SYNPR: variants seen among roughly 807,000 people sequenced by gnomAD.
SYNPR encodes the protein synaptoporin.
SYNPR carries 23 observed loss-of-function variants against 32.9 expected under a neutral mutation model. The observed-to-expected ratio is 0.70, with a 90% CI of 0.50 to 0.99. The LOEUF is 0.99. SYNPR is among the 50% of genes least tolerant of loss of function. The probability of loss-of-function intolerance (pLI) is 0.00; values close to 1 mark genes in which losing one functional copy is unlikely to be tolerated. For synonymous variants in SYNPR, 146 were observed against 135.9 expected, an observed-to-expected ratio of 1.07 and a Z score of -0.52; for missense variants, 318 against 349.3, an observed-to-expected ratio of 0.91 and a Z score of 0.71.
At chr3:63,478,730 A>G (rs1386547695) in intron 2 of SYNPR, among the ~76,000 whole-genome samples, 1 of 152,208 alleles carries the variant, frequency 6.6e-6, no homozygotes, top group East Asian at 1.9e-4. Context: ...AGAGAGACAT[A>G]GGGGTTATCC....
chr3:63,244,803 G>A (rs1262265267), intron 1 of SYNPR, among the ~76,000 whole-genome samples: 1 of 152,024 alleles, frequency 6.6e-6, no homozygotes, highest in Non-Finnish European at 1.5e-5. Flanking sequence ...AATAGCTTTC[G>A]CTGTCTGCAC....
At chr3:63,476,751 C>A (rs1011955807) in intron 2 of SYNPR, among the ~76,000 whole-genome samples, 1 of 152,190 alleles carries the variant, frequency 6.6e-6, no homozygotes, top group African/African-American at 2.4e-5. Flanking sequence ...AACACCCCCC[C>A]AGGTATAACC....
intron 2 of SYNPR, among the ~76,000 whole-genome samples, chr3:63,417,305 C>T (rs1366994196): frequency 6.6e-6 from 1 of 152,258 alleles, no homozygotes; most frequent in Non-Finnish European, 1.5e-5. Context: ...CCAGGTCACA[C>T]TGTTGCAAGA....
chr3:63,238,451 C>T (rs536808401), intron 1 of SYNPR, among the ~76,000 whole-genome samples: 8 of 152,106 alleles, frequency 5.3e-5, no homozygotes, highest in Non-Finnish European at 5.9e-5. Context: ...TTCCCCTCCA[C>T]CCTCTACTCT....
intron 4 of SYNPR, among the ~76,000 whole-genome samples, chr3:63,582,586 T>C (rs1471972511): frequency 6.6e-6 from 1 of 152,106 alleles, no homozygotes; most frequent in Non-Finnish European, 1.5e-5. Context: ...AAGCAGCATA[T>C]ATGTATTTCT....
chr3:63,218,818 G>T, the SYNPR span, among the ~76,000 whole-genome samples: 6 of 152,318 alleles, frequency 3.9e-5, no homozygotes, highest in East Asian at 9.7e-4. Context: ...AGGGCTGAAA[G>T]ATATTATGTT....
At chr3:63,403,741 T>C (rs1323761867) in intron 2 of SYNPR, among the ~76,000 whole-genome samples, 1 of 151,802 alleles carries the variant, frequency 6.6e-6, no homozygotes, top group Non-Finnish European at 1.5e-5. Flanking sequence ...AGAGAGAACA[T>C]GATGGGGGAG....
chr3:63,409,030 A>G (rs2088426354), intron 2 of SYNPR, among the ~76,000 whole-genome samples: 1 of 151,882 alleles, frequency 6.6e-6, no homozygotes, highest in South Asian at 2.1e-4. Flanking sequence ...TACCCCTCCA[A>G]ACCAGGTGAA....
chr3:63,309,582 C>T (rs546059398), intron 2 of SYNPR, among the ~76,000 whole-genome samples: 1 of 152,008 alleles, frequency 6.6e-6, no homozygotes, highest in Non-Finnish European at 1.5e-5. Context: ...TTACTCCCTG[C>T]TTCTGAGGCA....
At chr3:63,438,070 T>G (rs768017669) in intron 2 of SYNPR, among the ~76,000 whole-genome samples, 15 of 152,358 alleles carry the variant, frequency 9.8e-5, no homozygotes, top group Non-Finnish European at 1.2e-4. Context: ...AAATAGTCAT[T>G]GCTTGGCCGC....
intron 3 of SYNPR, among the ~76,000 whole-genome samples, chr3:63,524,824 A>AGTGT (rs138062730): frequency 0.013 from 1,742 of 129,386 alleles, 35 homozygotes; most frequent in African/African-American, 0.05. Flanking sequence ...TCATAATAGA[A>AGTGT]GTGTGTGTGT....
chr3:63,518,714 G>A (rs1337353365), intron 3 of SYNPR, among the ~76,000 whole-genome samples: 1 of 151,880 alleles, frequency 6.6e-6, no homozygotes, highest in African/African-American at 2.4e-5. Flanking sequence ...CTTTACATGT[G>A]GACTCAGCCC....
At chr3:63,489,472 A>AG (rs1559514688) in intron 3 of SYNPR, among the ~76,000 whole-genome samples, 1 of 152,230 alleles carries the variant, frequency 6.6e-6, no homozygotes, top group Non-Finnish European at 1.5e-5. Flanking sequence ...GGCAACCAAC[A>AG]GCTTCTAATA....
chr3:63,337,338 G>A (rs1209207006), intron 2 of SYNPR, among the ~76,000 whole-genome samples: 1 of 151,622 alleles, frequency 6.6e-6, no homozygotes, highest in African/African-American at 2.4e-5. Context: ...TATTAGAATG[G>A]TTAAAATGCA....
intron 5 of SYNPR, among the ~76,000 whole-genome samples, chr3:63,613,298 A>G (rs7646965): frequency 0.29 from 43,508 of 151,886 alleles, 6,343 homozygotes; most frequent in Middle Eastern, 0.42. Context: ...TACCATGCAC[A>G]TGGTAAAATG....
At chr3:63,462,888 T>C (rs1024252682) in intron 2 of SYNPR, among the ~76,000 whole-genome samples, 1 of 152,106 alleles carries the variant, frequency 6.6e-6, no homozygotes, top group African/African-American at 2.4e-5. Flanking sequence ...CAGTTTCCTG[T>C]AAGGGGAAGG....
intron 2 of SYNPR, among the ~76,000 whole-genome samples, chr3:63,367,428 C>T (rs1411391778): frequency 6.6e-6 from 1 of 151,940 alleles, no homozygotes; most frequent in Non-Finnish European, 1.5e-5. Context: ...CCTGCGATCT[C>T]GGGTTACTGC....
intron 2 of SYNPR, among the ~76,000 whole-genome samples, chr3:63,439,529 T>C (rs1700133576): frequency 2.0e-5 from 3 of 152,178 alleles, no homozygotes; most frequent in Admixed American, 2.0e-4. Flanking sequence ...ATTTCTCTAA[T>C]GACAAATATA....
At chr3:63,448,088 CA>C (rs1310502253) in intron 2 of SYNPR, among the ~76,000 whole-genome samples, 5 of 152,156 alleles carry the variant, frequency 3.3e-5, no homozygotes, top group Non-Finnish European at 7.4e-5. Flanking sequence ...ACTGCAACCT[CA>C]GCCTCCCGGG....
Sources: gnomAD v4.1 joint callset for allele counts (sites outside exome capture counted in the v4.1 genomes callset) on GRCh38, gnomAD v4.1.1 for gene constraint, MANE v1.5 for transcripts, NCBI Gene and HGNC (gene_info 2026-07-23, HGNC 2026-07-21) for gene names.